Variants in MARK3 observed in about 807,000 individuals in gnomAD.
The protein encoded by MARK3 is microtubule affinity regulating kinase 3.
MARK3 carries 46 observed loss-of-function variants against 90.1 expected under a neutral mutation model. That is an observed-to-expected ratio of 0.51 (90% CI 0.40 to 0.65). The LOEUF (loss-of-function observed/expected upper bound fraction) is 0.65. Among genes scored for constraint, MARK3 ranks in the 30% least tolerant of loss-of-function variants. The pLI is 0.00. For missense variants in MARK3, 818 were observed against 947.2 expected, an observed-to-expected ratio of 0.86 and a Z score of 1.79; for synonymous variants, 321 against 332.6, an observed-to-expected ratio of 0.97 and a Z score of 0.38.
intron 1 of MARK3, among the ~76,000 whole-genome samples, chr14:103,391,709 ATTTTTTT>A (rs71126012): frequency 0.41 from 28,846 of 70,256 alleles, 4,685 homozygotes; most frequent in Admixed American, 0.5. Flanking sequence ...ATGCCTGGCT[ATTTTTTT>A]TTTTTTTTTT....
At chr14:103,493,398 C>G (rs957976653) in intron 15 of MARK3, among the ~76,000 whole-genome samples, 1 of 151,842 alleles carries the variant, frequency 6.6e-6, no homozygotes, top group Non-Finnish European at 1.5e-5. Flanking sequence ...TCAGACGCAT[C>G]AGAAGGTTTC....
chr14:103,502,787 G>T (rs1180977786), intron 17 of MARK3, 95 bp from the exon 18 acceptor site: 1 of 923,196 alleles, frequency 1.1e-6, no homozygotes, highest in Non-Finnish European at 1.6e-6. Flanking sequence ...GTCGTTAGTT[G>T]TGTTGTATCA....
chr14:103,405,024 C>T, intron 1 of MARK3, 52 bp from the exon 2 acceptor site: 3 of 1,452,542 alleles, frequency 2.1e-6, no homozygotes, highest in Non-Finnish European at 2.8e-6. Context: ...TAGAACTTGG[C>T]AAGTACTCTG....
At chr14:103,420,362 T>C (rs2092156803) in intron 2 of MARK3, among the ~76,000 whole-genome samples, 1 of 151,860 alleles carries the variant, frequency 6.6e-6, no homozygotes, top group African/African-American at 2.4e-5. Flanking sequence ...CCTGAGTAGC[T>C]GGGACCAGAG....
At chr14:103,412,437 C>G (rs12882130) in intron 2 of MARK3, 188,512 of 556,584 alleles carry the variant, frequency 0.34, 34,657 homozygotes, top group Non-Finnish European at 0.39. Context: ...GACTCTGAAG[C>G]CAAAAATGCA....
intron 13 of MARK3, among the ~76,000 whole-genome samples, chr14:103,476,666 A>G (rs756338926): frequency 2.0e-5 from 3 of 152,122 alleles, no homozygotes; most frequent in African/African-American, 4.8e-5. Flanking sequence ...AAAATTAACA[A>G]TGATGCAGCC....
In MARK3 at chr14:103,465,551, C is replaced by T; in HGVS notation, c.541-6C>T. On this transcript the variant is annotated splice_polypyrimidine_tract_variant and splice_region_variant and intron_variant, in intron 7 of 17. Coordinates refer to ENST00000429436, the MANE Select transcript of MARK3 (RefSeq NM_001128918.3). ...TTTCATTTTTGTCTTGATGTTTTCCCTCTAGGCTGAAAATCTATTGTTAGA... is the reference window on the plus strand; with the variant it reads ...TTTCATTTTTGTCTTGATGTTTTCCTTCTAGGCTGAAAATCTATTGTTAGA... The T allele has an allele frequency of 1.3e-6, 2 of 1,596,772 alleles. No individual in the cohort carries two copies. The highest frequency in any genetic ancestry group is 1.7e-4 in the Middle Eastern group (1 of 6,032).
chr14:103,462,479 A>G lies in MARK3; in HGVS notation c.540+18A>G. The G allele has an allele frequency of 1.9e-6, 3 of 1,586,768 alleles. No individual in the cohort carries two copies. Among genetic ancestry groups the G allele is most frequent in the Non-Finnish European group, 2.6e-6 (3 of 1,157,982 alleles). On this transcript the variant is annotated intron_variant, in intron 7 of 17. Coordinates refer to ENST00000429436, the MANE Select transcript of MARK3 (RefSeq NM_001128918.3). ...ACCTCAAGGTGAGTAGAAGTGCCTC[A>G]CTCAGTGTATGCTCTGTCTGTTTGT...
At chr14:103,418,219 CT>C (rs36012703) in intron 2 of MARK3, among the ~76,000 whole-genome samples, 13,123 of 61,758 alleles carry the variant, frequency 0.21, 917 homozygotes, top group Middle Eastern at 0.28. Context: ...ATAGTAAAGG[CT>C]TTTTTTTTTT....
intron 13 of MARK3, among the ~76,000 whole-genome samples, chr14:103,477,852 G>A (rs1294427435): frequency 2.0e-5 from 3 of 152,040 alleles, no homozygotes; most frequent in African/African-American, 7.2e-5. Flanking sequence ...ATAGCTGAGC[G>A]TGATGATGCA....
chr14:103,393,782 CAG>C (rs1339139343), intron 1 of MARK3, among the ~76,000 whole-genome samples: 1 of 146,970 alleles, frequency 6.8e-6, no homozygotes, highest in East Asian at 2.0e-4. Flanking sequence ...TTTTTTGAGA[CAG>C]AGTTTCACTC....
At chr14:103,484,971 A>G (rs535647729) in intron 14 of MARK3, among the ~76,000 whole-genome samples, 2 of 150,972 alleles carry the variant, frequency 1.3e-5, no homozygotes, top group South Asian at 2.1e-4. Context: ...TAATCCCAGC[A>G]CTTTGCGAAG....
intron 3 of MARK3, among the ~76,000 whole-genome samples, chr14:103,430,806 T>C (rs1436648146): frequency 6.6e-6 from 1 of 152,228 alleles, no homozygotes; most frequent in African/African-American, 2.4e-5. Context: ...TCTTCATTTT[T>C]CCTTTGTATT....
At chr14:103,470,001 C>G (rs1161263450) in intron 12 of MARK3, among the ~76,000 whole-genome samples, 3 of 148,568 alleles carry the variant, frequency 2.0e-5, no homozygotes, top group Non-Finnish European at 4.4e-5. Context: ...GCAGAGGTTG[C>G]AGTGAGCCAA....
intron 13 of MARK3, among the ~76,000 whole-genome samples, chr14:103,477,410 T>G (rs1181919872): frequency 3.3e-5 from 5 of 152,068 alleles, no homozygotes; most frequent in African/African-American, 1.2e-4. Context: ...GAGAATTGCT[T>G]TAACCGAGAA....
intron 3 of MARK3, among the ~76,000 whole-genome samples, chr14:103,430,348 C>T (rs1174324041): frequency 6.6e-6 from 1 of 151,926 alleles, no homozygotes; most frequent in Non-Finnish European, 1.5e-5. Flanking sequence ...TCTTTTTCAC[C>T]AAGTATCTTA....
rs762941104 is a variant in MARK3, at chr14:103,386,001, C to G, written c.-29C>G. 5 of 1,598,286 alleles carry G rather than the reference C, an allele frequency of 3.1e-6. No individual in the cohort carries two copies. In the South Asian group the frequency reaches 4.4e-5, roughly 14 times the overall value. On this transcript the variant is annotated 5_prime_UTR_variant, in exon 1 of 18. Transcript: ENST00000429436. ...GGCTGTGCTGTTTTGTTTTGACCCT[C>G]GCATTGTGCAGAATTAAAGTGCAGT... is the stretch of plus-strand genomic sequence containing the variant.
intron 5 of MARK3, among the ~76,000 whole-genome samples, chr14:103,454,831 A>G (rs886274320): frequency 6.6e-6 from 1 of 152,234 alleles, no homozygotes; most frequent in Admixed American, 6.5e-5. Context: ...AGTTAGTTTC[A>G]GGACCTGAAC....
intron 17 of MARK3, among the ~76,000 whole-genome samples, chr14:103,500,587 G>A (rs1409471343): frequency 6.6e-6 from 1 of 151,620 alleles, no homozygotes; most frequent in Non-Finnish European, 1.5e-5. Flanking sequence ...AACTAGATAT[G>A]TTTTCTTCTA....
Sources: gnomAD v4.1 joint callset for allele counts (sites outside exome capture counted in the v4.1 genomes callset) on GRCh38, gnomAD v4.1.1 for gene constraint, MANE v1.5 for transcripts, NCBI Gene and HGNC (gene_info 2026-07-23, HGNC 2026-07-21) for gene names.